Variants in KIR2DL4 observed in about 807,000 individuals in gnomAD.
KIR2DL4 encodes killer cell immunoglobulin-like receptor 2DL4.
KIR2DL4 carries 41 observed loss-of-function variants against 31.0 expected under a neutral mutation model. The ratio of observed to expected loss-of-function variants is 1.32; its 90% confidence interval spans 1.03 to 1.72. The LOEUF is 1.72. KIR2DL4 is among the 40% of genes most tolerant of loss of function. The pLI, the probability that KIR2DL4 is intolerant of heterozygous loss-of-function variation, is 0.00. For synonymous variants in KIR2DL4, 164 were observed against 133.6 expected (o/e 1.23, Z -1.57); for missense variants, 438 against 353.7 (o/e 1.24, Z -1.91).
Position 54,806,064 on chromosome 19 carries a change from AG to A in KIR2DL4, c.478del (p.Glu160ArgfsTer85). ...CTCCTTTGACATCTACCATCTATCC[AG>A]GGAGGGGGAAGCCCATGAACTTAGG... On this transcript the variant is annotated frameshift_variant, in exon 4 of 8. Transcript: ENST00000359085. LOFTEE classifies it high-confidence loss of function. The A allele has an allele frequency of 6.2e-7, 1 of 1,611,862 alleles. No homozygotes were observed. Among genetic ancestry groups the A allele is most frequent in the Admixed American group, 1.7e-5 (1 of 59,896 alleles).
chr19:54,813,768 G>A (rs765778715), intron 7 of KIR2DL4, 26 bp downstream of exon 6: 1 of 1,611,516 alleles, frequency 6.2e-7, no homozygotes. Flanking sequence ...CCAGCCTCAT[G>A]GATACAGTCT....
intron 1 of KIR2DL4, 50 bp from the exon 2 acceptor site, chr19:54,803,841 A>G (rs1245676157): frequency 7.6e-6 from 12 of 1,584,060 alleles, no homozygotes; most frequent in Non-Finnish European, 1.0e-5. Flanking sequence ...TCAGGAGGAA[A>G]GGGTAGGTTG....
chr19:54,812,097 C>G (rs1439962540), intron 5 of KIR2DL4, among the ~76,000 whole-genome samples: 1 of 151,242 alleles, frequency 6.6e-6, no homozygotes, highest in Non-Finnish European at 1.5e-5. Flanking sequence ...CAATCCCAGT[C>G]CAGTCTTCCC....
chr19:54,813,237 C>G lies in KIR2DL4; in HGVS notation c.810+9C>G, dbSNP rs997980187. 3.5e-5 allele frequency: 55 copies of G among 1,591,148 alleles called. 1 individual carries two copies. The Admixed American group carries it at 8.2e-4, about 24-fold the overall frequency. On this transcript the variant is annotated intron_variant, in intron 6 of 7. Transcript: ENST00000359085. ...GGTGCTCCAAAAAAAAAGTAAGCCT[C>G]ACGAAGCAGAGGCCAGAGAACTCAG...
At chr19:54,813,598 C>T in intron 6 of KIR2DL4, 92 bp from the exon 6 acceptor site, 2 of 1,353,934 alleles carry the variant, frequency 1.5e-6, no homozygotes, top group Non-Finnish European at 2.1e-6. Context: ...CCTCAGGCAC[C>T]TATGGCCTCC....
chr19:54,809,639 C>T lies in KIR2DL4; in HGVS notation c.706+756C>T, dbSNP rs992444885. Among the ~76,000 whole-genome samples, 37 of 151,268 alleles carry T rather than the reference C, an allele frequency of 2.4e-4. 3 individuals are homozygous for T. Among genetic ancestry groups the T allele is most frequent in the Admixed American group, 1.3e-4 (2 of 15,174 alleles). The stretch of plus-strand genomic sequence containing the variant: ...GCTCCCACATTCCTTGGCTCCTGGT[C>T]CCCGTCTTCCTCCCTCAAAGTCCAC... On this transcript the variant is annotated intron_variant, in intron 5 of 7. Transcript: ENST00000359085.
At chr19:54,808,964 C>T in intron 5 of KIR2DL4, 81 bp downstream of exon 5, 3 of 1,085,324 alleles carry the variant, frequency 2.8e-6, no homozygotes, top group South Asian at 2.5e-5. Flanking sequence ...GGCTCAGCAC[C>T]TGCCAGCTCT....
chr19:54,806,146 C>A (rs2060512716), exon 4 of KIR2DL4: 2 of 1,611,952 alleles, frequency 1.2e-6, no homozygotes, highest in South Asian at 2.2e-5. Context: ...CCTCTGGGTC[C>A]TGCCACCCAC....
At chr19:54,809,806 T>C (rs2147943573) in intron 5 of KIR2DL4, among the ~76,000 whole-genome samples, 1 of 151,612 alleles carries the variant, frequency 6.6e-6, no homozygotes, top group Non-Finnish European at 1.5e-5. Context: ...TAATCCATCA[T>C]AATTTCCCTA....
Position 54,805,970 on chromosome 19 carries a change from G to A in KIR2DL4, c.381G>A (p.Ser127=), listed in dbSNP as rs201419800. The A allele has an allele frequency of 1.9e-4, 307 of 1,606,422 alleles. 7 individuals are homozygous for A. The highest frequency in any genetic ancestry group is 1.7e-4 in the Middle Eastern group (1 of 6,042). The change falls in exon 4 of 8, where the codon TCG becomes TCA. Residue 127 remains serine, a synonymous_variant. Transcript: ENST00000359085. ...TTCCAGGTCTATATGAGAAACCTTC[G>A]CTTACAGCCCGGCCGGGCCCCACGG...
At position 54,813,809 on chromosome 19, in the gene KIR2DL4, A is replaced by C. The variant is rs752004074; in HGVS notation, c.*42-33A>C. The C allele has an allele frequency of 9.3e-6, 15 of 1,610,712 alleles. 2 individuals carry two copies. The South Asian group carries it at 1.7e-4, about 18-fold the overall frequency. ...CGAAATAGTCCTGAAAAATGTGAACACCCTCCCTCACTCAGGATTTCCCTC... is the reference window on the plus strand; with the variant it reads ...CGAAATAGTCCTGAAAAATGTGAACCCCCTCCCTCACTCAGGATTTCCCTC... On this transcript the variant is annotated intron_variant, in intron 7 of 7. Transcript: ENST00000359085.
At chr19:54,808,925 G>A in intron 5 of KIR2DL4, 42 bp downstream of exon 5, 1 of 1,511,880 alleles carries the variant, frequency 6.6e-7, no homozygotes, top group Non-Finnish European at 9.2e-7. Context: ...TGGAAACCTG[G>A]GGAGGTAGAA....
At chr19:54,811,247 A>T (rs111490149) in intron 5 of KIR2DL4, among the ~76,000 whole-genome samples, 1,990 of 150,700 alleles carry the variant, frequency 0.013, 101 homozygotes, top group African/African-American at 0.046. Flanking sequence ...AATATACAAA[A>T]ACTAGCTGGG....
exon 8 of KIR2DL4, chr19:54,814,352 AGGC>A: frequency 1.8e-6 from 1 of 545,076 alleles, no homozygotes. Flanking sequence ...AACATACAAG[AGGC>A]TCTCTCTTAA....
intron 2 of KIR2DL4, 121 bp from the exon 3 acceptor site, chr19:54,804,672 C>T (rs1408309612): frequency 6.1e-5 from 66 of 1,076,152 alleles, no homozygotes; most frequent in Non-Finnish European, 7.6e-5. Flanking sequence ...TTCCTGTAGC[C>T]CCAGGCACCC....
intron 1 of KIR2DL4, 72 bp from the exon 2 acceptor site, chr19:54,803,819 G>GCCA: frequency 1.9e-6 from 3 of 1,561,978 alleles, no homozygotes; most frequent in Admixed American, 3.3e-5. Flanking sequence ...GTCCAGCGTG[G>GCCA]CGCCCAGTGG....
chr19:54,807,503 C>G (rs1347435192), intron 4 of KIR2DL4, among the ~76,000 whole-genome samples: 9 of 151,146 alleles, frequency 6.0e-5, no homozygotes, highest in African/African-American at 2.2e-4. Context: ...AATGGCACCA[C>G]CTGGGCTCAC....
chr19:54,813,240 G>A lies in KIR2DL4; in HGVS notation c.810+12G>A, dbSNP rs267605675. ...GCTCCAAAAAAAAAGTAAGCCTCAC[G>A]AAGCAGAGGCCAGAGAACTCAGGGC... is the stretch of plus-strand genomic sequence containing the variant. On this transcript the variant is annotated intron_variant, in intron 6 of 7. Coordinates refer to ENST00000359085, the Ensembl canonical transcript of KIR2DL4. 4.4e-6 allele frequency: 7 copies of A among 1,591,744 alleles called. No homozygotes were observed. The Admixed American group carries it at 5.3e-5, about 12-fold the overall frequency.
intron 5 of KIR2DL4, among the ~76,000 whole-genome samples, chr19:54,810,407 G>A (rs1476209903): frequency 6.6e-6 from 1 of 151,322 alleles, no homozygotes; most frequent in African/African-American, 2.4e-5. Flanking sequence ...GATTAGAGGC[G>A]TGAGCCAAGG....
Sources: allele counts gnomAD v4.1 joint callset (sites outside exome capture counted in the v4.1 genomes callset), GRCh38; gene constraint gnomAD v4.1.1; transcripts MANE v1.5; gene names NCBI Gene and HGNC (gene_info 2026-07-23, HGNC 2026-07-21).